The following RUNX1 variants were observed in gnomAD, a reference collection of about 807,000 sequenced individuals.
The protein encoded by RUNX1 is RUNX family transcription factor 1.
Under a neutral mutation model 42.8 loss-of-function variants are expected in RUNX1, and 19 were observed. The observed-to-expected ratio is 0.44, with a 90% CI of 0.31 to 0.65. The LOEUF is 0.65. RUNX1 is among the 30% of genes least tolerant of loss of function. The probability of loss-of-function intolerance (pLI) is 0.07; values close to 1 mark genes in which losing one functional copy is unlikely to be tolerated. For synonymous variants in RUNX1, 271 were observed against 289.4 expected (o/e 0.94, Z 0.64); for missense variants, 528 against 672.0 (o/e 0.79, Z 2.37).
chr21:34,981,989 C>T (rs1280462520), intron 2 of RUNX1, among the ~76,000 whole-genome samples: 1 of 152,176 alleles, frequency 6.6e-6, no homozygotes, highest in African/African-American at 2.4e-5. Context: ...GCTAAAAATG[C>T]AGCTGGATAG....
chr21:34,796,330 A>G (rs1163664513), intron 8 of RUNX1, among the ~76,000 whole-genome samples: 1 of 152,178 alleles, frequency 6.6e-6, no homozygotes, highest in Non-Finnish European at 1.5e-5. Context: ...GGCCTTCTAG[A>G]TATGCTCAGA....
chr21:35,048,768 G>A (rs549411969), intron 2 of RUNX1, 74 bp downstream of exon 2: 2 of 1,275,282 alleles, frequency 1.6e-6, no homozygotes, highest in African/African-American at 2.9e-5. Flanking sequence ...TCTGCACCGA[G>A]GTGAAACAAG....
At chr21:34,867,573 A>C (rs1164729169) in intron 5 of RUNX1, among the ~76,000 whole-genome samples, 1 of 152,194 alleles carries the variant, frequency 6.6e-6, no homozygotes, top group African/African-American at 2.4e-5. Flanking sequence ...GCAGGGGAAA[A>C]GCTCAGGTTT....
intron 8 of RUNX1, chr21:34,797,958 C>G (rs1461981294): frequency 2.2e-6 from 1 of 455,264 alleles, no homozygotes; most frequent in Non-Finnish European, 4.4e-6. Flanking sequence ...ATGCTCAGGA[C>G]AGACCCCCCC....
intron 2 of RUNX1, among the ~76,000 whole-genome samples, chr21:34,990,612 C>T (rs76596580): frequency 0.08 from 12,146 of 151,842 alleles, 609 homozygotes; most frequent in Non-Finnish European, 0.12. Flanking sequence ...TGGGGCTCTT[C>T]CATTAACGGA....
chr21:34,837,852 ATC>A (rs1224904581), intron 6 of RUNX1, among the ~76,000 whole-genome samples: 1 of 152,214 alleles, frequency 6.6e-6, no homozygotes, highest in Non-Finnish European at 1.5e-5. Context: ...ACCCTGGGAC[ATC>A]TTAATCTTAA....
intron 7 of RUNX1, among the ~76,000 whole-genome samples, chr21:34,822,333 G>A (rs111993997): frequency 0.016 from 2,409 of 152,294 alleles, 31 homozygotes; most frequent in African/African-American, 0.034. Context: ...CAATGAACCA[G>A]CAACATTGGT....
intron 7 of RUNX1, among the ~76,000 whole-genome samples, chr21:34,810,642 C>CT (rs2056745876): frequency 6.6e-6 from 1 of 152,168 alleles, no homozygotes; most frequent in African/African-American, 2.4e-5. Flanking sequence ...AACTTAATGC[C>CT]TTGGAGACTC....
At chr21:34,992,694 A>T (rs2058954395) in intron 2 of RUNX1, among the ~76,000 whole-genome samples, 1 of 152,050 alleles carries the variant, frequency 6.6e-6, no homozygotes, top group African/African-American at 2.4e-5. Context: ...AAAAAGAAAA[A>T]AAAAAACAAC....
intron 2 of RUNX1, among the ~76,000 whole-genome samples, chr21:34,965,137 G>A (rs557316246): frequency 1.7e-4 from 26 of 151,268 alleles, no homozygotes; most frequent in African/African-American, 6.3e-4. Context: ...TTTCACACAA[G>A]TGCACAGTCC....
At position 34,859,535 on chromosome 21, in the gene RUNX1, C is replaced by T. The variant is rs752586117; in HGVS notation, c.552G>A (p.Pro184=). ...TGGCTCTGTGGTAGGTGGCGACTTG[C>T]GGTGGGTTTGTGAAGACAGTGATGG... ...TLTITVFTNP[P]QVATYHRAIK... Residue 184 remains proline (P), a synonymous_variant, in exon 6 of 9, where the codon CCG becomes CCA. Coordinates refer to ENST00000675419, the MANE Select transcript of RUNX1 (RefSeq NM_001754.5). 7.4e-6 allele frequency: 12 copies of T among 1,613,992 alleles called. 1 individual carries two copies. Among genetic ancestry groups the T allele is most frequent in the Admixed American group, 6.7e-5 (4 of 60,002 alleles).
rs1267426891 is a variant in RUNX1 at position 35,044,979 on chromosome 21, C to G, written c.58+3863G>C. Among the ~76,000 whole-genome samples, 8 of 152,150 alleles carry G rather than the reference C, an allele frequency of 5.3e-5. No individual in the cohort carries two copies. In the East Asian group the frequency reaches 1.5e-3, roughly 29 times the overall value. On this transcript the variant is annotated intron_variant, in intron 2 of 8. Transcript: ENST00000675419. ...GGTGTGTGAGCAGCTGTGGGGCCTC[C>G]TACAGCCCCCTAAACCCCACTAATA...
intron 2 of RUNX1, among the ~76,000 whole-genome samples, chr21:34,990,470 G>A (rs1001555849): frequency 1.3e-5 from 2 of 152,116 alleles, no homozygotes; most frequent in Non-Finnish European, 2.9e-5. Context: ...GGGGAAAAAT[G>A]AGCCAGTGCA....
At chr21:34,931,535 A>G (rs2058447169) in intron 2 of RUNX1, among the ~76,000 whole-genome samples, 1 of 147,358 alleles carries the variant, frequency 6.8e-6, no homozygotes, top group Non-Finnish European at 1.5e-5. Context: ...ATATACACGT[A>G]TATGTATTAT....
At chr21:34,979,986 A>G (rs2058834900) in intron 2 of RUNX1, among the ~76,000 whole-genome samples, 1 of 152,218 alleles carries the variant, frequency 6.6e-6, no homozygotes, top group Non-Finnish European at 1.5e-5. Context: ...GCATGGCCGA[A>G]AGCGAGCTAC....
At chr21:34,926,461 CAA>C (rs1188609077) in intron 2 of RUNX1, among the ~76,000 whole-genome samples, 193 of 7,122 alleles carry the variant, frequency 0.027, 4 homozygotes, top group African/African-American at 0.06. Flanking sequence ...GACCCAGTCT[CAA>C]AAAAAAAAAA....
At chr21:34,871,097 T>A (rs2057730823) in intron 5 of RUNX1, among the ~76,000 whole-genome samples, 2 of 152,190 alleles carry the variant, frequency 1.3e-5, no homozygotes, top group African/African-American at 4.8e-5. Flanking sequence ...TTTGGAAAAT[T>A]CCTGTGAGCC....
At chr21:34,799,526 A>G in intron 7 of RUNX1, 64 bp from the exon 8 acceptor site, 4 of 1,458,224 alleles carry the variant, frequency 2.7e-6, no homozygotes, top group South Asian at 1.2e-5. Context: ...ATGTCTTTTA[A>G]TAAGAAATGA....
intron 7 of RUNX1, among the ~76,000 whole-genome samples, chr21:34,806,169 C>T (rs1168184478): frequency 2.0e-5 from 3 of 152,068 alleles, no homozygotes; most frequent in Non-Finnish European, 4.4e-5. Flanking sequence ...ACTCTAAATG[C>T]ACCAATTTAA....
Sources: gnomAD v4.1 joint callset for allele counts (sites outside exome capture counted in the v4.1 genomes callset) on GRCh38, gnomAD v4.1.1 for gene constraint, MANE v1.5 for transcripts, NCBI Gene and HGNC (gene_info 2026-07-23, HGNC 2026-07-21) for gene names.